The following TAF2 variants were observed in gnomAD, a reference collection of about 807,000 sequenced individuals.
The protein encoded by TAF2 is transcription initiation factor TFIID subunit 2.
TAF2 carries 61 observed loss-of-function variants against 138.5 expected under a neutral mutation model. The observed-to-expected ratio is 0.44, with a 90% CI of 0.36 to 0.54. TAF2 has a LOEUF of 0.54. Among genes scored for constraint, TAF2 ranks in the 20% least tolerant of loss-of-function variants. TAF2 has a pLI of 0.00. For missense variants in TAF2, 1,090 were observed against 1,427.9 expected, an observed-to-expected ratio of 0.76 and a Z score of 3.81; for synonymous variants, 475 against 469.9, an observed-to-expected ratio of 1.01 and a Z score of -0.14.
intron 2 of TAF2, among the ~76,000 whole-genome samples, chr8:119,824,599 C>A (rs572260657): frequency 6.6e-6 from 1 of 152,170 alleles, no homozygotes; most frequent in Non-Finnish European, 1.5e-5. Context: ...CCATCACAGG[C>A]CCGGAGGCCT....
Position 119,788,379 on chromosome 8 carries a change from G to A in TAF2, c.1752C>T (p.Asn584=), listed in dbSNP as rs1021208295. ...GGCAGGGTATATCATGTTTAAGGCT[G>A]TTTTCTTCAATTTGCAGTGTATGAT... The part of the protein sequence containing the change: ...SFNHTLQIEE[N]SLKHDIPCHS... Residue 584 remains asparagine (N), a synonymous_variant, in exon 14 of 26, where the codon AAC becomes AAT. Coordinates refer to ENST00000378164, the MANE Select transcript of TAF2 (RefSeq NM_003184.4). The A allele has an allele frequency of 5.6e-6, 9 of 1,613,244 alleles. No individual in the cohort carries two copies. Among genetic ancestry groups the A allele is most frequent in the South Asian group, 1.1e-5 (1 of 91,058 alleles).
chr8:119,820,600 G>A lies in TAF2; in HGVS notation c.139-1094C>T, dbSNP rs144170855. Among the ~76,000 whole-genome samples the A allele has an allele frequency of 1.8e-4, 27 of 152,314 alleles. No homozygotes were observed. The East Asian group carries it at 4.8e-3, about 27-fold the overall frequency. ...AGGTCAGTAATAAGTAGAGACTAGA[G>A]ATTCAAACACAACTAAATAATTCCA... On this transcript the variant is annotated intron_variant, in intron 2 of 25. Coordinates refer to ENST00000378164, the MANE Select transcript of TAF2 (RefSeq NM_003184.4).
chr8:119,796,479 C>T (rs1355357142), intron 8 of TAF2, among the ~76,000 whole-genome samples: 1 of 152,066 alleles, frequency 6.6e-6, no homozygotes, highest in African/African-American at 2.4e-5. Flanking sequence ...AAGCTGAGCA[C>T]TAGTAGGCAA....
intron 10 of TAF2, 188 bp from the exon 11 acceptor site, chr8:119,791,647 T>C (rs984425054): frequency 1.7e-5 from 10 of 588,388 alleles, no homozygotes; most frequent in Non-Finnish European, 2.6e-5. Flanking sequence ...CTTAAGGACA[T>C]AAAGGAAAAT....
At chr8:119,793,738 TC>T (rs768916630) in intron 9 of TAF2, among the ~76,000 whole-genome samples, 3 of 152,194 alleles carry the variant, frequency 2.0e-5, no homozygotes, top group Non-Finnish European at 4.4e-5. Flanking sequence ...CTGAGCTGTC[TC>T]CAAGTTTATT....
rs754362911 is a variant in TAF2, at chr8:119,797,853, A to G, written c.793-7T>C. 6.2e-7 allele frequency: 1 copy of G among 1,613,166 alleles called. No individual in the cohort carries two copies. Among genetic ancestry groups the G allele is most frequent in the South Asian group, 1.1e-5 (1 of 91,044 alleles). On this transcript the variant is annotated splice_polypyrimidine_tract_variant and splice_region_variant and intron_variant, in intron 6 of 25. Coordinates refer to ENST00000378164, the MANE Select transcript of TAF2 (RefSeq NM_003184.4). The stretch of plus-strand genomic sequence containing the variant: ...GCAAACAAAAATGAGTAACCTGAAA[A>G]GAAGAAGCAAGGAAGATCATCTAAA...
intron 6 of TAF2, among the ~76,000 whole-genome samples, chr8:119,799,300 T>C (rs1465922897): frequency 1.3e-5 from 2 of 151,716 alleles, no homozygotes; most frequent in Admixed American, 6.6e-5. Context: ...ATGCTATCCC[T>C]CCCCCATCCC....
At chr8:119,825,528 G>A (rs1826040496) in intron 2 of TAF2, among the ~76,000 whole-genome samples, 2 of 152,248 alleles carry the variant, frequency 1.3e-5, no homozygotes, top group East Asian at 1.9e-4. Flanking sequence ...AGGGGCCAGG[G>A]GCAGAATGAT....
intron 23 of TAF2, among the ~76,000 whole-genome samples, chr8:119,745,222 T>A (rs2131003839): frequency 6.6e-6 from 1 of 152,126 alleles, no homozygotes; most frequent in East Asian, 1.9e-4. Flanking sequence ...AGAAGGGAGG[T>A]ATTTAAGTGA....
At chr8:119,792,074 A>T (rs1223769840) in intron 10 of TAF2, among the ~76,000 whole-genome samples, 1 of 152,104 alleles carries the variant, frequency 6.6e-6, no homozygotes, top group Non-Finnish European at 1.5e-5. Flanking sequence ...AGACCAAATA[A>T]TGCTATGGTG....
chr8:119,753,602 C>T (rs978373396), intron 22 of TAF2, among the ~76,000 whole-genome samples: 28 of 152,088 alleles, frequency 1.8e-4, no homozygotes, highest in Non-Finnish European at 2.8e-4. Context: ...GAATTTTAAA[C>T]CAAAGCAGAA....
chr8:119,770,468 A>T (rs1225304983), intron 18 of TAF2, among the ~76,000 whole-genome samples: 1 of 152,202 alleles, frequency 6.6e-6, no homozygotes, highest in Non-Finnish European at 1.5e-5. Flanking sequence ...AAAAATTGCC[A>T]GCCAAGAATT....
intron 5 of TAF2, 150 bp from the exon 6 acceptor site, chr8:119,802,175 A>G (rs879118671): frequency 1.5e-6 from 1 of 656,828 alleles, no homozygotes; most frequent in Non-Finnish European, 2.6e-6. Flanking sequence ...TACAACCTGA[A>G]AAAAATCTGA....
chr8:119,797,955 T>C (rs1462345647), intron 6 of TAF2, 109 bp from the exon 7 acceptor site: 12 of 1,069,508 alleles, frequency 1.1e-5, no homozygotes, highest in Non-Finnish European at 1.6e-5. Flanking sequence ...ATCTATTCTT[T>C]AATAATTTCA....
At chr8:119,780,710 C>T (rs1398627997) in intron 17 of TAF2, among the ~76,000 whole-genome samples, 9 of 151,992 alleles carry the variant, frequency 5.9e-5, no homozygotes, top group South Asian at 4.2e-4. Context: ...CCGAGGTGGG[C>T]GGATCACAGG....
Position 119,738,457 on chromosome 8 carries a change from T to C in TAF2, c.3337+4077A>G, listed in dbSNP as rs946132549. Among the ~76,000 whole-genome samples the C allele has an allele frequency of 2.6e-5, 4 of 152,210 alleles. No individual in the cohort carries two copies. The East Asian group carries it at 7.7e-4, about 29-fold the overall frequency. On this transcript the variant is annotated intron_variant, in intron 25 of 25. Transcript: ENST00000378164. ...TCACAGGCACCACTCATCTTTAGGC[T>C]AATAAAAGTCCTTTTAGTAAACTGA...
intron 19 of TAF2, among the ~76,000 whole-genome samples, chr8:119,761,345 C>T (rs1275923906): frequency 6.6e-6 from 1 of 152,094 alleles, no homozygotes; most frequent in Admixed American, 6.6e-5. Flanking sequence ...GCAGGCTACA[C>T]CATCTAGTTT....
chr8:119,748,986 C>T (rs928012952), intron 22 of TAF2, among the ~76,000 whole-genome samples: 8 of 151,648 alleles, frequency 5.3e-5, no homozygotes, highest in Non-Finnish European at 7.4e-5. Flanking sequence ...GAAAACTAAA[C>T]CCTGAAGATC....
intron 18 of TAF2, among the ~76,000 whole-genome samples, chr8:119,775,949 T>C (rs1232237332): frequency 6.6e-6 from 1 of 152,204 alleles, no homozygotes; most frequent in Non-Finnish European, 1.5e-5. Context: ...GTTTTATTAT[T>C]CTAATTTAGT....
Sources: allele counts gnomAD v4.1 joint callset (sites outside exome capture counted in the v4.1 genomes callset), GRCh38; gene constraint gnomAD v4.1.1; transcripts MANE v1.5; gene names NCBI Gene and HGNC (gene_info 2026-07-23, HGNC 2026-07-21).